Variants in ALG1L2 observed in about 807,000 individuals in gnomAD.
The protein encoded by ALG1L2 is putative glycosyltransferase ALG1L2.
ALG1L2 carries 32 observed loss-of-function variants against 29.0 expected under a neutral mutation model. The ratio of observed to expected loss-of-function variants is 1.10; its 90% CI spans 0.83 to 1.48. The LOEUF is 1.48. Among genes scored for constraint, ALG1L2 ranks in the 40% most tolerant of loss-of-function variants. The pLI, the probability that ALG1L2 is intolerant of heterozygous loss-of-function variation, is 0.00. For missense variants in ALG1L2, 318 were observed against 274.1 expected, an observed-to-expected ratio of 1.16 and a Z score of -1.13; for synonymous variants, 110 against 109.5, an observed-to-expected ratio of 1.00 and a Z score of -0.03.
Position 130,098,243 on chromosome 3 carries a change from C to G in ALG1L2, c.636C>G (p.Leu212=), listed in dbSNP as rs1935189650. Residue 212 remains leucine (L), a synonymous_variant, in exon 8 of 8, where the codon CTC becomes CTG. Coordinates refer to ENST00000425059, the MANE Select transcript of ALG1L2 (RefSeq NM_001136152.1). ...AQLQYFADAF[L]KLS is the part of the protein sequence containing the mutation. Reference sequence around the variant, plus strand: ...TTCAGTATTTTGCAGATGCTTTTCTCAAACTTTCCTGATCCTGAAGGCAAG... The same window carrying G: ...TTCAGTATTTTGCAGATGCTTTTCTGAAACTTTCCTGATCCTGAAGGCAAG... 3 of 1,596,342 alleles carry G rather than the reference C, an allele frequency of 1.9e-6. No individual in the cohort carries two copies. The highest frequency in any genetic ancestry group is 2.5e-6 in the Non-Finnish European group (3 of 1,179,778).
Position 130,096,033 on chromosome 3 carries a change from C to T in ALG1L2, c.425-16C>T, listed in dbSNP as rs1348998612. The T allele has an allele frequency of 3.1e-6, 5 of 1,603,412 alleles. No homozygotes were observed. The highest frequency in any genetic ancestry group is 1.7e-6 in the Non-Finnish European group (2 of 1,175,022). On this transcript the variant is annotated splice_polypyrimidine_tract_variant and intron_variant, in intron 5 of 7. Coordinates refer to ENST00000425059, the MANE Select transcript of ALG1L2 (RefSeq NM_001136152.1). ...GCAGAGACCAGCGCTCTGGCCACACCCCTCTTGCCTAGCAGGGTCGGTGGA... is the reference window on the plus strand; with the variant it reads ...GCAGAGACCAGCGCTCTGGCCACACTCCTCTTGCCTAGCAGGGTCGGTGGA...
intron 3 of ALG1L2, 72 bp from the exon 4 acceptor site, chr3:130,093,027 CAG>C (rs1935051971): frequency 1.0e-6 from 1 of 1,000,110 alleles, no homozygotes; most frequent in Non-Finnish European, 1.3e-6. Flanking sequence ...GAGAGTCTGT[CAG>C]AAAAAAAAAA....
rs915804087 is a variant in ALG1L2 at position 130,094,299 on chromosome 3, G to A, written c.314-104G>A. 4 of 1,428,092 alleles carry A rather than the reference G, an allele frequency of 2.8e-6. No homozygotes were observed. In the African/African-American group the frequency reaches 4.2e-5, roughly 15 times the overall value. 88.5% of individuals were successfully genotyped at this position (1,428,092 alleles called of 1,614,324 possible). On this transcript the variant is annotated intron_variant, in intron 4 of 7. Coordinates refer to ENST00000425059, the MANE Select transcript of ALG1L2 (RefSeq NM_001136152.1). Reference sequence around the variant, plus strand: ...CTGACTGCAGCTGCCGAGGGGTGGAGCTTCTGGGAAAAGGATCCCTCCTAG... The same window carrying A: ...CTGACTGCAGCTGCCGAGGGGTGGAACTTCTGGGAAAAGGATCCCTCCTAG...
At chr3:130,090,450 C>T (rs1266865409) in intron 1 of ALG1L2, among the ~76,000 whole-genome samples, 2 of 152,300 alleles carry the variant, frequency 1.3e-5, no homozygotes, top group Non-Finnish European at 2.9e-5. Context: ...GTGAGAATTC[C>T]CCTGTGGTTC....
chr3:130,097,470 G>A (rs73866094), intron 7 of ALG1L2, among the ~76,000 whole-genome samples: 14,834 of 152,238 alleles, frequency 0.097, 895 homozygotes, highest in East Asian at 0.17. Context: ...CTGCCCTCTA[G>A]ATTTATGGAG....
At chr3:130,097,328 TCACACAGC>T in intron 7 of ALG1L2, 78 bp downstream of exon 7, 1 of 1,571,010 alleles carries the variant, frequency 6.4e-7, no homozygotes, top group East Asian at 2.3e-5. Context: ...GATCCCTGTT[TCACACAGC>T]CAGGGTGGGA....
chr3:130,086,486 G>C (rs1934892895), intron 1 of ALG1L2, among the ~76,000 whole-genome samples: 1 of 148,248 alleles, frequency 6.7e-6, no homozygotes, highest in Non-Finnish European at 1.5e-5. Context: ...GGGCAACAAA[G>C]TGAGACCTCG....
rs1389535363 is a variant in ALG1L2, at chr3:130,094,495, G to A, written c.406G>A (p.Gly136Arg). The change falls in exon 5 of 8, where the codon GGA (glycine) becomes AGA (arginine). Residue 136 changes from glycine to arginine, a missense_variant. Gly to Arg is a moderately radical substitution (Grantham distance 125, BLOSUM62 -2). Transcript: ENST00000425059. The stretch of plus-strand genomic sequence containing the variant: ...CTGCATCCCCTGGCTGGAGGGCCGA[G>A]GACTACCCCCGCTTCTAGGTGAGAG... ...QVCIPWLEGR[G>R]LPPLLGSVDL... 3.1e-6 allele frequency: 5 copies of A among 1,595,806 alleles called. No individual in the cohort carries two copies. In the African/African-American group the frequency reaches 6.7e-5, roughly 21 times the overall value.
intron 1 of ALG1L2, among the ~76,000 whole-genome samples, chr3:130,084,285 C>A (rs1934845385): frequency 7.4e-6 from 1 of 134,884 alleles, no homozygotes; most frequent in Non-Finnish European, 1.7e-5. Context: ...TAGCGAGACC[C>A]CATTTCCCCC....
chr3:130,092,711 G>C (rs1268977254), intron 3 of ALG1L2, among the ~76,000 whole-genome samples: 1 of 152,204 alleles, frequency 6.6e-6, no homozygotes, highest in African/African-American at 2.4e-5. Context: ...CACCTGACCA[G>C]GGGACTCTGG....
intron 4 of ALG1L2, chr3:130,094,005 G>A (rs546878795): frequency 2.5e-5 from 7 of 281,788 alleles, no homozygotes; most frequent in South Asian, 1.7e-4. Context: ...GGGGGCTGTG[G>A]CAGGGCAGGG....
chr3:130,082,161 G>A (rs1934798259), intron 1 of ALG1L2, 125 bp downstream of exon 1: 2 of 1,206,654 alleles, frequency 1.7e-6, no homozygotes, highest in Admixed American at 4.9e-5. Context: ...GTAGAAATGA[G>A]GAAGGTGCCA....
chr3:130,096,726 G>A (rs1473212434), intron 6 of ALG1L2, among the ~76,000 whole-genome samples: 1 of 152,150 alleles, frequency 6.6e-6, no homozygotes, highest in Non-Finnish European at 1.5e-5. Context: ...CCCTGCTCAG[G>A]AGCCGGCCCC....
At chr3:130,083,489 T>C (rs1389167539) in intron 1 of ALG1L2, among the ~76,000 whole-genome samples, 1 of 129,484 alleles carries the variant, frequency 7.7e-6, no homozygotes, top group Non-Finnish European at 1.8e-5. Flanking sequence ...GATGAATTAG[T>C]TTCCTGCAAC....
chr3:130,092,221 A>G lies in ALG1L2; in HGVS notation c.252A>G (p.Thr84=), dbSNP rs1266964090. The G allele has an allele frequency of 6.2e-7, 1 of 1,609,792 alleles. No homozygotes were observed. The highest frequency in any genetic ancestry group is 8.5e-7 in the Non-Finnish European group (1 of 1,178,826). ...TGCTGGTCAGCAGCACAAGCTGGAC[A>G]GGTCTGCATGACCACTGGGGCACTT... is the stretch of plus-strand genomic sequence containing the variant. ...PALLVSSTSW[T]EFEQLTLDGQ... The change falls in exon 3 of 8, where the codon ACA becomes ACG. Residue 84 remains threonine, a splice_region_variant and synonymous_variant. Transcript: ENST00000425059.
At chr3:130,093,434 C>CTTT (rs34096233) in intron 4 of ALG1L2, among the ~76,000 whole-genome samples, 3 of 142,932 alleles carry the variant, frequency 2.1e-5, no homozygotes, top group Admixed American at 7.0e-5. Flanking sequence ...TCATTGGTGT[C>CTTT]TTTTTTTTTT....
intron 1 of ALG1L2, among the ~76,000 whole-genome samples, chr3:130,084,913 AGTGT>A (rs140560794): frequency 5.1e-4 from 66 of 129,356 alleles, no homozygotes; most frequent in African/African-American, 1.4e-3. Flanking sequence ...ACATATATGT[AGTGT>A]GTGTGTGTAT....
In ALG1L2 at chr3:130,085,854, A is replaced by AC. The variant is rs1934878418; in HGVS notation, c.20+3818_20+3819insC. 6.0e-5 allele frequency among the ~76,000 whole-genome samples: 9 copies of AC among 149,800 alleles called. 1 individual carries two copies. Among genetic ancestry groups the AC allele is most frequent in the Non-Finnish European group, 1.3e-4 (9 of 66,714 alleles). The stretch of plus-strand genomic sequence containing the variant: ...ATTTGCTGTGGCCACAATCTCCGCA[A>AC]AAACGCAATGTTTCTCCCGCAGCAC... On this transcript the variant is annotated intron_variant, in intron 1 of 7. Coordinates refer to ENST00000425059, the MANE Select transcript of ALG1L2 (RefSeq NM_001136152.1).
intron 4 of ALG1L2, 130 bp from the exon 5 acceptor site, chr3:130,094,273 C>T: frequency 3.3e-6 from 4 of 1,203,076 alleles, no homozygotes; most frequent in Non-Finnish European, 4.8e-6. Flanking sequence ...CCAGATAGGG[C>T]CTGACTGCAG....
Sources: gnomAD v4.1 joint callset for allele counts (sites outside exome capture counted in the v4.1 genomes callset) on GRCh38, gnomAD v4.1.1 for gene constraint, MANE v1.5 for transcripts, NCBI Gene and HGNC (gene_info 2026-07-23, HGNC 2026-07-21) for gene names.